CDCP1: variants seen among roughly 807,000 people sequenced by gnomAD.
The protein encoded by CDCP1 is CUB domain-containing protein 1.
A neutral mutation model predicts 60.2 loss-of-function variants in CDCP1; 29 were observed. That is an observed-to-expected ratio of 0.48 (90% CI 0.36 to 0.66). The LOEUF (loss-of-function observed/expected upper bound fraction) is 0.66. Among genes scored for constraint, CDCP1 ranks in the 30% least tolerant of loss-of-function variants. The probability of loss-of-function intolerance (pLI) is 0.00; values close to 1 mark genes in which losing one functional copy is unlikely to be tolerated. For synonymous variants in CDCP1, 387 were observed against 431.1 expected, an observed-to-expected ratio of 0.90 and a Z score of 1.27; for missense variants, 876 against 1,074.3, an observed-to-expected ratio of 0.82 and a Z score of 2.58.
intron 2 of CDCP1, among the ~76,000 whole-genome samples, chr3:45,113,729 T>C (rs1263125524): frequency 6.6e-6 from 1 of 152,250 alleles, no homozygotes; most frequent in African/African-American, 2.4e-5. Flanking sequence ...AGGCTGTGTT[T>C]GGTCAGCCCT....
In CDCP1 at chr3:45,118,539, G is replaced by A; in HGVS notation, c.165C>T (p.Pro55=). The A allele has an allele frequency of 6.2e-7, 1 of 1,614,192 alleles. No homozygotes were observed. Among genetic ancestry groups the A allele is most frequent in the Non-Finnish European group, 8.5e-7 (1 of 1,180,016 alleles). Residue 55 remains proline, a synonymous_variant, in exon 2 of 9, where the codon CCC becomes CCT. Coordinates refer to ENST00000296129, the MANE Select transcript of CDCP1 (RefSeq NM_022842.5). ...KLGTPTLLAK[P]CYIVISKRHI... ...GTCTTTTAGAAATGACGATGTAACA[G>A]GGTTTTGCCAGCAGAGTCGGGGTCC...
chr3:45,119,985 A>G (rs1698855016), intron 1 of CDCP1, among the ~76,000 whole-genome samples: 1 of 152,174 alleles, frequency 6.6e-6, no homozygotes, highest in South Asian at 2.1e-4. Flanking sequence ...TGCTTGTGAG[A>G]TTCACCCACG....
intron 1 of CDCP1, among the ~76,000 whole-genome samples, chr3:45,127,647 TG>T (rs1699026262): frequency 6.6e-6 from 1 of 152,220 alleles, no homozygotes; most frequent in Non-Finnish European, 1.5e-5. Flanking sequence ...CCTGTCCTTC[TG>T]GGTATCTGAG....
intron 1 of CDCP1, among the ~76,000 whole-genome samples, chr3:45,124,388 C>CT (rs1698938833): frequency 6.6e-6 from 1 of 152,180 alleles, no homozygotes; most frequent in South Asian, 2.1e-4. Context: ...TGGGACTCGG[C>CT]TCTCATTCAC....
intron 4 of CDCP1, among the ~76,000 whole-genome samples, chr3:45,096,550 G>C (rs553879841): frequency 6.7e-6 from 1 of 149,550 alleles, no homozygotes; most frequent in Non-Finnish European, 1.5e-5. Context: ...GCTTGAACCC[G>C]GGAGGCGGAG....
chr3:45,119,360 G>C (rs376865870), intron 1 of CDCP1, among the ~76,000 whole-genome samples: 1 of 152,278 alleles, frequency 6.6e-6, no homozygotes, highest in East Asian at 1.9e-4. Context: ...CATTTGCTTT[G>C]CTTGATTGAT....
At position 45,091,327 on chromosome 3, in the gene CDCP1, G is replaced by A. The variant is rs1698292157; in HGVS notation, c.1839C>T (p.Thr613=). The change falls in exon 7 of 9, where the codon ACC becomes ACT. Residue 613 remains threonine (T), a synonymous_variant. Transcript: ENST00000296129. The surrounding 1 kb of genome is among the most constrained non-coding windows in gnomAD (Gnocchi z 4.8). ...RAFMIIQEQR[T]RAEEIFSLDE... The stretch of plus-strand genomic sequence containing the variant: ...CCAGGCTGAAGATCTCCTCAGCCCG[G>A]GTCCGCTGCTCCTGGATGATCATGA... The A allele has an allele frequency of 6.2e-7, 1 of 1,614,002 alleles. No homozygotes were observed. Among genetic ancestry groups the A allele is most frequent in the Admixed American group, 1.7e-5 (1 of 59,996 alleles).
intron 4 of CDCP1, among the ~76,000 whole-genome samples, chr3:45,105,669 G>T (rs1440210404): frequency 6.6e-6 from 1 of 152,198 alleles, no homozygotes; most frequent in African/African-American, 2.4e-5. Flanking sequence ...AAGCCTTATA[G>T]ATGGGTAGAT....
At chr3:45,093,174 T>C in intron 6 of CDCP1, 103 bp downstream of exon 6, 2 of 1,324,392 alleles carry the variant, frequency 1.5e-6, no homozygotes, top group Non-Finnish European at 2.1e-6. Flanking sequence ...TATTGAGCTA[T>C]CCCTTCTTTC....
intron 4 of CDCP1, among the ~76,000 whole-genome samples, chr3:45,099,708 G>A (rs1698458997): frequency 6.6e-6 from 1 of 151,912 alleles, no homozygotes; most frequent in African/African-American, 2.4e-5. Context: ...CTTTCTGGGA[G>A]ATATCCTCAA....
At chr3:45,124,537 A>G (rs985210685) in intron 1 of CDCP1, among the ~76,000 whole-genome samples, 1 of 152,120 alleles carries the variant, frequency 6.6e-6, no homozygotes, top group Non-Finnish European at 1.5e-5. Flanking sequence ...TCAGAAACCA[A>G]GAAGTTTGTG....
chr3:45,118,105 C>A (rs1040917178), intron 2 of CDCP1, among the ~76,000 whole-genome samples: 2 of 152,202 alleles, frequency 1.3e-5, no homozygotes, highest in Non-Finnish European at 2.9e-5. Flanking sequence ...TGGCTAAGTG[C>A]AAAGACTTGA....
intron 7 of CDCP1, among the ~76,000 whole-genome samples, chr3:45,089,690 GCCA>G (rs1163856644): frequency 6.6e-6 from 1 of 152,142 alleles, no homozygotes; most frequent in African/African-American, 2.4e-5. Flanking sequence ...TATTGCCAAA[GCCA>G]CCAAATTTTG....
chr3:45,098,652 C>T (rs1193561754), intron 4 of CDCP1, among the ~76,000 whole-genome samples: 1 of 151,700 alleles, frequency 6.6e-6, no homozygotes, highest in African/African-American at 2.4e-5. Flanking sequence ...ACCACACACA[C>T]TTCCCATTCC....
chr3:45,085,743 C>T lies in CDCP1; in HGVS notation c.2406G>A (p.Glu802=). 6.2e-7 allele frequency: 1 copy of T among 1,614,192 alleles called. No individual in the cohort carries two copies. The highest frequency in any genetic ancestry group is 8.5e-7 in the Non-Finnish European group (1 of 1,180,038). ...EPPPRSPPES[E]SEPYTFSHPN... ...GATGGGAGAAGGTGTACGGTTCACT[C>T]TCAGACTCAGGAGGGGAGCGAGGAG... The change falls in exon 9 of 9, where the codon GAG becomes GAA. Residue 802 remains glutamate (E), a synonymous_variant. Transcript: ENST00000296129. The surrounding 1 kb of genome is among the most constrained non-coding windows in gnomAD (Gnocchi z 4.2).
chr3:45,085,962 A>G lies in CDCP1; in HGVS notation c.2187T>C (p.Asn729=). ...CGATGACTGCATACACATGGGAGTC[A>G]TTGTCCTTTCGCCCTTTCTGAAACT... is the stretch of plus-strand genomic sequence containing the variant. ...PKKFQKGRKD[N]DSHVYAVIED... Residue 729 remains asparagine, a synonymous_variant, in exon 9 of 9, where the codon AAT becomes AAC. Coordinates refer to ENST00000296129, the MANE Select transcript of CDCP1 (RefSeq NM_022842.5). The surrounding 1 kb of genome is among the most constrained non-coding windows in gnomAD (Gnocchi z 4.2). 6.2e-7 allele frequency: 1 copy of G among 1,614,194 alleles called. No homozygotes were observed. The highest frequency in any genetic ancestry group is 8.5e-7 in the Non-Finnish European group (1 of 1,180,030).
At chr3:45,099,297 A>T (rs1698452518) in intron 4 of CDCP1, among the ~76,000 whole-genome samples, 1 of 152,112 alleles carries the variant, frequency 6.6e-6, no homozygotes, top group Non-Finnish European at 1.5e-5. Context: ...GGTTGGAAAT[A>T]ATATTCCTTC....
intron 1 of CDCP1, chr3:45,139,587 A>C (rs1428169248): frequency 2.0e-5 from 3 of 152,282 alleles, no homozygotes; most frequent in African/African-American, 7.2e-5. Context: ...GCAAGAACTC[A>C]GAGGCAATAG....
intron 1 of CDCP1, among the ~76,000 whole-genome samples, chr3:45,137,694 C>T (rs1356194648): frequency 6.6e-6 from 1 of 150,426 alleles, no homozygotes; most frequent in Non-Finnish European, 1.5e-5. Flanking sequence ...GTGGCACGTG[C>T]CTGTAATCCC....
Sources: allele counts gnomAD v4.1 joint callset (sites outside exome capture counted in the v4.1 genomes callset), GRCh38; gene constraint gnomAD v4.1.1; non-coding constraint Gnocchi (gnomAD v3.1); transcripts MANE v1.5; gene names NCBI Gene and HGNC (gene_info 2026-07-23, HGNC 2026-07-21).